Variants in ZDHHC7 observed in about 807,000 individuals in gnomAD.
The protein encoded by ZDHHC7 is palmitoyltransferase ZDHHC7.
A neutral mutation model predicts 34.1 loss-of-function variants in ZDHHC7; 12 were observed. The ratio of observed to expected loss-of-function variants is 0.35; its 90% CI spans 0.23 to 0.57. The LOEUF (loss-of-function observed/expected upper bound fraction) is 0.57. ZDHHC7 is among the 20% of genes least tolerant of loss of function. The pLI is 0.84. For synonymous variants in ZDHHC7, 185 were observed against 155.4 expected (o/e 1.19, Z -1.42); for missense variants, 388 against 402.7 (o/e 0.96, Z 0.31).
the ZDHHC7 span, among the ~76,000 whole-genome samples, chr16:85,017,102 G>C: frequency 6.6e-6 from 1 of 152,040 alleles, no homozygotes. Flanking sequence ...CACCGCACCG[G>C]CCAACTTGTT....
chr16:85,014,957 A>T (rs73264325), upstream of ZDHHC7, among the ~76,000 whole-genome samples: 4,458 of 152,240 alleles, frequency 0.029, 225 homozygotes, highest in African/African-American at 0.1. Flanking sequence ...GCAGATTCAA[A>T]GATTTTCTCA....
the ZDHHC7 span, among the ~76,000 whole-genome samples, chr16:85,027,413 G>A: frequency 1.3e-5 from 2 of 152,154 alleles, no homozygotes; most frequent in African/African-American, 4.8e-5. Flanking sequence ...CGAGGGCCAG[G>A]AAACAACTAG....
intron 3 of ZDHHC7, among the ~76,000 whole-genome samples, chr16:84,982,345 A>C (rs1261406332): frequency 9.1e-6 from 1 of 109,298 alleles, no homozygotes; most frequent in African/African-American, 4.2e-5. Flanking sequence ...ACTCCATCTC[A>C]AAAAAAAAAA....
chr16:85,011,975 G>C (rs1256259003), upstream of ZDHHC7, among the ~76,000 whole-genome samples: 1 of 152,184 alleles, frequency 6.6e-6, no homozygotes, highest in Non-Finnish European at 1.5e-5. Context: ...GGGATTGGAG[G>C]CCTGACTCCT....
chr16:84,976,590 C>G, intron 7 of ZDHHC7, 71 bp from the exon 8 acceptor site: 1 of 1,563,940 alleles, frequency 6.4e-7, no homozygotes, highest in Non-Finnish European at 8.6e-7. Flanking sequence ...GCCTCAGAAT[C>G]ACACCGTGCT....
the ZDHHC7 span, among the ~76,000 whole-genome samples, chr16:85,018,393 G>A: frequency 1.8e-4 from 28 of 152,060 alleles, no homozygotes; most frequent in South Asian, 2.9e-3. Flanking sequence ...TCTGGCTGCT[G>A]GTTATACGGA....
chr16:84,990,144 C>T (rs1247422406), intron 3 of ZDHHC7, among the ~76,000 whole-genome samples, 160 bp downstream of exon 3: 2 of 152,184 alleles, frequency 1.3e-5, no homozygotes, highest in Non-Finnish European at 2.9e-5. Context: ...TTATTCTCAG[C>T]CTAAAGGGAA....
At chr16:85,026,701 C>T in the ZDHHC7 span, among the ~76,000 whole-genome samples, 1 of 151,492 alleles carries the variant, frequency 6.6e-6, no homozygotes, top group Admixed American at 6.6e-5. Context: ...GCATAACTCC[C>T]GTAATTTCAG....
intron 7 of ZDHHC7, among the ~76,000 whole-genome samples, chr16:84,976,776 G>A (rs2072303864): frequency 6.6e-6 from 1 of 152,226 alleles, no homozygotes; most frequent in Non-Finnish European, 1.5e-5. Context: ...GTTAGTTACT[G>A]TGTACAGACA....
chr16:84,991,585 G>A (rs2072510580), intron 2 of ZDHHC7, among the ~76,000 whole-genome samples: 1 of 150,212 alleles, frequency 6.7e-6, no homozygotes, highest in African/African-American at 2.5e-5. Context: ...ACTGCACCCG[G>A]CCTCTATTTT....
intron 1 of ZDHHC7, among the ~76,000 whole-genome samples, chr16:84,998,656 C>T (rs567029366): frequency 6.6e-6 from 1 of 151,970 alleles, no homozygotes; most frequent in Admixed American, 6.6e-5. Context: ...CCTCAGGGGT[C>T]GCTTTTCCCT....
At chr16:85,026,266 A>G in the ZDHHC7 span, among the ~76,000 whole-genome samples, 25 of 152,326 alleles carry the variant, frequency 1.6e-4, no homozygotes, top group East Asian at 3.9e-3. Flanking sequence ...CTCCATTCCC[A>G]TGAATTCTAC....
chr16:84,990,471 A>C lies in ZDHHC7; in HGVS notation c.148T>G (p.Cys50Gly), dbSNP rs148312072. 32 of 1,614,078 alleles carry C rather than the reference A, an allele frequency of 2.0e-5. No homozygotes were observed. The highest frequency in any genetic ancestry group is 1.2e-4 in the Admixed American group (7 of 59,998). ...ACCAGAAGCCACGTCATGACAGCAC[A>C]GATCATGCCGCAGCCGTCACGGATG... ...WFIRDGCGMICAVMTWLLVAY... is the reference protein window; with the variant it reads ...WFIRDGCGMIGAVMTWLLVAY... The change falls in exon 3 of 8, where the codon TGT becomes GGT. Residue 50 changes from cysteine (C) to glycine (G), a missense_variant. Transcript: ENST00000313732.
intron 1 of ZDHHC7, among the ~76,000 whole-genome samples, chr16:85,008,699 T>C (rs1175098998): frequency 2.0e-5 from 3 of 151,838 alleles, no homozygotes; most frequent in Non-Finnish European, 4.4e-5. Flanking sequence ...GGGAATAAGA[T>C]ATTTCAGTGA....
intron 1 of ZDHHC7, among the ~76,000 whole-genome samples, chr16:85,011,062 G>A (rs76106483): frequency 3.3e-5 from 5 of 152,234 alleles, no homozygotes; most frequent in Admixed American, 2.6e-4. Context: ...GCTGCAATCC[G>A]GGCCCTATCC....
Position 84,978,610 on chromosome 16 carries a change from C to G in ZDHHC7, c.537+579G>C, listed in dbSNP as rs187298870. Among the ~76,000 whole-genome samples, 359 of 151,946 alleles carry G rather than the reference C, an allele frequency of 2.4e-3. 1 individual carries two copies. Among genetic ancestry groups the G allele is most frequent in the African/African-American group, 8.3e-3 (343 of 41,466 alleles). On this transcript the variant is annotated intron_variant, in intron 5 of 7. Transcript: ENST00000313732. Reference sequence around the variant, plus strand: ...GGGCACGGTGGCTCACGACTGTAATCCTAGCACTTTGGGAGGCCGAGGTGG... The same window carrying G: ...GGGCACGGTGGCTCACGACTGTAATGCTAGCACTTTGGGAGGCCGAGGTGG...
At chr16:84,986,835 G>A (rs9940441) in intron 3 of ZDHHC7, among the ~76,000 whole-genome samples, 1 of 152,114 alleles carries the variant, frequency 6.6e-6, no homozygotes. Flanking sequence ...CAACTGTTCA[G>A]TTCAGAGGTG....
chr16:85,016,488 C>T (rs940967076), upstream of ZDHHC7, among the ~76,000 whole-genome samples: 2 of 152,154 alleles, frequency 1.3e-5, no homozygotes, highest in African/African-American at 4.8e-5. Context: ...CAAGGTCTTG[C>T]TCTGTTGCCC....
intron 3 of ZDHHC7, among the ~76,000 whole-genome samples, chr16:84,989,043 T>A (rs1164333738): frequency 1.3e-5 from 2 of 152,184 alleles, no homozygotes; most frequent in Non-Finnish European, 2.9e-5. Flanking sequence ...GTCTGGCTCC[T>A]AGAGGGAGAC....
Sources: gnomAD v4.1 joint callset for allele counts (sites outside exome capture counted in the v4.1 genomes callset) on GRCh38, gnomAD v4.1.1 for gene constraint, MANE v1.5 for transcripts, NCBI Gene and HGNC (gene_info 2026-07-23, HGNC 2026-07-21) for gene names.